RAB11FIP2: variants seen among roughly 807,000 people sequenced by gnomAD.
RAB11FIP2 encodes the protein RAB11 family interacting protein 2, also known as rab11 family-interacting protein 2.
A neutral mutation model predicts 40.9 loss-of-function variants in RAB11FIP2; 16 were observed. The observed-to-expected ratio is 0.39, with a 90% CI of 0.26 to 0.59. The LOEUF is 0.59. RAB11FIP2 is among the 20% of genes least tolerant of loss of function. The pLI, the probability that RAB11FIP2 is intolerant of heterozygous loss-of-function variation, is 0.53. For synonymous variants in RAB11FIP2, 228 were observed against 213.7 expected, an observed-to-expected ratio of 1.07 and a Z score of -0.58; for missense variants, 532 against 606.2, an observed-to-expected ratio of 0.88 and a Z score of 1.28.
intron 3 of RAB11FIP2, among the ~76,000 whole-genome samples, chr10:118,020,724 C>T (rs901883934): frequency 6.6e-6 from 1 of 152,224 alleles, no homozygotes; most frequent in Admixed American, 6.5e-5. Flanking sequence ...ATGTCCTTAA[C>T]CCTGCAGACA....
At chr10:118,032,878 C>A (rs1443094993) in intron 3 of RAB11FIP2, among the ~76,000 whole-genome samples, 1 of 152,032 alleles carries the variant, frequency 6.6e-6, no homozygotes, top group African/African-American at 2.4e-5. Context: ...TACTTAGTAG[C>A]CATCTCGGCT....
At chr10:118,033,582 G>A (rs1036522048) in intron 3 of RAB11FIP2, among the ~76,000 whole-genome samples, 2 of 152,064 alleles carry the variant, frequency 1.3e-5, no homozygotes, top group Admixed American at 6.6e-5. Context: ...GAATGAAGAC[G>A]GCATGGCTTA....
intron 3 of RAB11FIP2, among the ~76,000 whole-genome samples, chr10:118,020,135 G>T (rs1846267010): frequency 6.6e-6 from 1 of 152,060 alleles, no homozygotes; most frequent in Admixed American, 6.6e-5. Flanking sequence ...AGATGGTAAG[G>T]TGCAAGGTAA....
At chr10:118,010,775 C>T (rs752717264) in intron 4 of RAB11FIP2, among the ~76,000 whole-genome samples, 2 of 151,760 alleles carry the variant, frequency 1.3e-5, no homozygotes, top group East Asian at 1.9e-4. Flanking sequence ...GGCAGAAATG[C>T]GTAATGGGGC....
chr10:118,017,746 T>C (rs1052817977), intron 3 of RAB11FIP2: 5 of 152,152 alleles, frequency 3.3e-5, no homozygotes, highest in Non-Finnish European at 7.4e-5. Flanking sequence ...GATTGAACAG[T>C]ATTATGACTA....
Position 118,040,327 on chromosome 10 carries a change from T to C in RAB11FIP2, c.592A>G (p.Ser198Gly). 1 of 1,613,952 alleles carries C rather than the reference T, an allele frequency of 6.2e-7. No homozygotes were observed. Among genetic ancestry groups the C allele is most frequent in the Non-Finnish European group, 8.5e-7 (1 of 1,179,842 alleles). Residue 198 changes from serine to glycine, a missense_variant, in exon 2 of 5, where the codon AGT (serine) becomes GGT (glycine). Physicochemically the swap from Ser to Gly is moderately conservative, Grantham distance 56. Coordinates refer to ENST00000355624, the MANE Select transcript of RAB11FIP2 (RefSeq NM_014904.3). ...IPSTHMPDAN[S>G]EFSSGEIQMK... ...TGTATTTCACCACTTGAAAATTCAC[T>C]ATTGGCATCGGGCATGTGAGTACTT...
At chr10:118,031,698 A>G (rs1485825948) in intron 3 of RAB11FIP2, among the ~76,000 whole-genome samples, 2 of 152,176 alleles carry the variant, frequency 1.3e-5, no homozygotes, top group African/African-American at 2.4e-5. Flanking sequence ...GCGTGAGATC[A>G]TCTGCTAAAA....
chr10:118,046,174 T>G lies in RAB11FIP2; in HGVS notation c.-11A>C, dbSNP rs1266703715. On this transcript the variant is annotated 5_prime_UTR_variant, in exon 1 of 5. Coordinates refer to ENST00000355624, the MANE Select transcript of RAB11FIP2 (RefSeq NM_014904.3). ...CTCGGACAGCATCATCCTGTCCTGT[T>G]TCTCTGCCCCCGAGTTCCCTAGCAC... The G allele has an allele frequency of 6.2e-7, 1 of 1,608,758 alleles. No individual in the cohort carries two copies. The highest frequency in any genetic ancestry group is 8.5e-7 in the Non-Finnish European group (1 of 1,176,554).
chr10:118,029,243 C>T (rs185626398), intron 3 of RAB11FIP2, among the ~76,000 whole-genome samples: 61 of 152,050 alleles, frequency 4.0e-4, no homozygotes, highest in Non-Finnish European at 7.6e-4. Flanking sequence ...TACCCAAAAG[C>T]AGAATGGGTA....
intron 4 of RAB11FIP2, among the ~76,000 whole-genome samples, chr10:118,010,684 T>C (rs1483438345): frequency 1.3e-5 from 2 of 152,118 alleles, no homozygotes; most frequent in East Asian, 3.9e-4. Context: ...CATTCAGGAC[T>C]GAAAAACTTT....
At chr10:118,020,252 G>A (rs1453698155) in intron 3 of RAB11FIP2, among the ~76,000 whole-genome samples, 1 of 152,170 alleles carries the variant, frequency 6.6e-6, no homozygotes. Context: ...GCTCTAAACT[G>A]TCAGTTCTAC....
In RAB11FIP2 at chr10:118,037,857, C is replaced by CA. The variant is rs533106347; in HGVS notation, c.1265+1114dup. 4.7e-3 allele frequency among the ~76,000 whole-genome samples: 715 copies of CA among 152,154 alleles called. 6 individuals are homozygous for CA. Among genetic ancestry groups the CA allele is most frequent in the African/African-American group, 0.017 (692 of 41,534 alleles). Reference sequence around the variant, plus strand: ...AAGGATACCAAAATCCAGGGATATTCAAGTCCCCTATACAAAATGGTACAG... The same window carrying CA: ...AAGGATACCAAAATCCAGGGATATTCAAAGTCCCCTATACAAAATGGTACAG... On this transcript the variant is annotated intron_variant, in intron 3 of 4. Transcript: ENST00000355624.
chr10:118,021,453 C>T (rs1382560935), intron 3 of RAB11FIP2, among the ~76,000 whole-genome samples: 2 of 152,228 alleles, frequency 1.3e-5, no homozygotes, highest in East Asian at 3.9e-4. Context: ...CTCCCACTAT[C>T]ATCCCAGTTG....
intron 4 of RAB11FIP2, among the ~76,000 whole-genome samples, chr10:118,009,827 G>A (rs74341660): frequency 6.6e-6 from 1 of 152,056 alleles, no homozygotes; most frequent in African/African-American, 2.4e-5. Flanking sequence ...TTCCTCCCCT[G>A]AGTAACTGGT....
At chr10:118,029,154 T>G (rs1846382174) in intron 3 of RAB11FIP2, among the ~76,000 whole-genome samples, 1 of 152,082 alleles carries the variant, frequency 6.6e-6, no homozygotes, top group South Asian at 2.1e-4. Flanking sequence ...TTCATTAAAC[T>G]TAAGACACCA....
chr10:118,027,348 T>G (rs1323223789), intron 3 of RAB11FIP2, among the ~76,000 whole-genome samples: 1 of 152,216 alleles, frequency 6.6e-6, no homozygotes, highest in Non-Finnish European at 1.5e-5. Flanking sequence ...TATTTCAATG[T>G]TTTCATGTTA....
At chr10:118,012,427 A>G (rs1846169155) in intron 4 of RAB11FIP2, among the ~76,000 whole-genome samples, 1 of 151,952 alleles carries the variant, frequency 6.6e-6, no homozygotes, top group Non-Finnish European at 1.5e-5. Context: ...AAATAATTAA[A>G]AACAGTTTCA....
Position 118,040,569 on chromosome 10 carries a change from A to C in RAB11FIP2, c.354-4T>G, listed in dbSNP as rs1292979676. 7.0e-6 allele frequency: 11 copies of C among 1,567,112 alleles called. No homozygotes were observed. The highest frequency in any genetic ancestry group is 9.5e-6 in the Non-Finnish European group (11 of 1,158,582). ...TTTGGATTCTAATCTAAACCACCTT[A>C]AAGAGAAGAAAAAAAAATTGGCTGT... On this transcript the variant is annotated splice_polypyrimidine_tract_variant and splice_region_variant and intron_variant, in intron 1 of 4. Coordinates refer to ENST00000355624, the MANE Select transcript of RAB11FIP2 (RefSeq NM_014904.3).
chr10:118,038,941 A>AAT (rs761108905), intron 3 of RAB11FIP2, 31 bp downstream of exon 3: 2 of 1,434,834 alleles, frequency 1.4e-6, no homozygotes, highest in South Asian at 2.8e-5. Flanking sequence ...GATTTTCCCA[A>AAT]ATAGTAGAAC....
Sources: allele counts gnomAD v4.1 joint callset (sites outside exome capture counted in the v4.1 genomes callset), GRCh38; gene constraint gnomAD v4.1.1; transcripts MANE v1.5; gene names NCBI Gene and HGNC (gene_info 2026-07-23, HGNC 2026-07-21).